ZDHHC14: variants seen among roughly 807,000 people sequenced by gnomAD.
ZDHHC14 encodes the protein palmitoyltransferase ZDHHC14.
A neutral mutation model predicts 47.7 loss-of-function variants in ZDHHC14; 16 were observed. The ratio of observed to expected loss-of-function variants is 0.34; its 90% confidence interval spans 0.23 to 0.51. The LOEUF (loss-of-function observed/expected upper bound fraction) is 0.51. Ranked by LOEUF, ZDHHC14 falls within the 20% of genes least tolerant of loss-of-function variation. The pLI, the probability that ZDHHC14 is intolerant of heterozygous loss-of-function variation, is 0.97. For missense variants in ZDHHC14, 515 were observed against 662.5 expected, an observed-to-expected ratio of 0.78 and a Z score of 2.44; for synonymous variants, 293 against 278.9, an observed-to-expected ratio of 1.05 and a Z score of -0.50.
intron 1 of ZDHHC14, among the ~76,000 whole-genome samples, chr6:157,492,506 T>C (rs775382998): frequency 6.6e-6 from 1 of 152,228 alleles, no homozygotes; most frequent in Non-Finnish European, 1.5e-5. Flanking sequence ...AATTGGGGAA[T>C]GATTCTGCCT....
chr6:157,511,547 C>CTTTTTTTTTTTTT (rs34988240), intron 1 of ZDHHC14, among the ~76,000 whole-genome samples: 1,953 of 114,476 alleles, frequency 0.017, 70 homozygotes, highest in Admixed American at 0.064. Flanking sequence ...AGCCCGGGTA[C>CTTTTTTTTTTTTT]TTTTTTTTTT....
chr6:157,659,311 A>T (rs1040831390), intron 8 of ZDHHC14, among the ~76,000 whole-genome samples: 1 of 152,260 alleles, frequency 6.6e-6, no homozygotes, highest in Non-Finnish European at 1.5e-5. Flanking sequence ...TGCACATGCC[A>T]GCCGAGAGAC....
chr6:157,616,255 A>T (rs1003376279), intron 3 of ZDHHC14, among the ~76,000 whole-genome samples: 15 of 152,130 alleles, frequency 9.9e-5, no homozygotes, highest in Admixed American at 6.5e-5. Flanking sequence ...GATCAGAGAG[A>T]CCATGACCAC....
chr6:157,423,891 G>A (rs951468867), intron 1 of ZDHHC14, among the ~76,000 whole-genome samples: 1 of 152,152 alleles, frequency 6.6e-6, no homozygotes, highest in Non-Finnish European at 1.5e-5. Flanking sequence ...CCCCCCAGGC[G>A]ATTCGTGTGC....
intron 1 of ZDHHC14, among the ~76,000 whole-genome samples, chr6:157,435,759 C>T (rs950414734): frequency 7.9e-5 from 12 of 152,110 alleles, no homozygotes; most frequent in East Asian, 5.8e-4. Flanking sequence ...AGGCTGGTCT[C>T]GAACTCTTGG....
intron 8 of ZDHHC14, among the ~76,000 whole-genome samples, chr6:157,655,390 A>T (rs1222614276): frequency 6.6e-6 from 1 of 152,176 alleles, no homozygotes; most frequent in African/African-American, 2.4e-5. Flanking sequence ...TGTGGGTTCA[A>T]AACTAGCCTG....
intron 1 of ZDHHC14, among the ~76,000 whole-genome samples, chr6:157,389,185 C>T (rs1278355762): frequency 6.6e-6 from 1 of 152,104 alleles, no homozygotes; most frequent in East Asian, 1.9e-4. Context: ...GAAATGATTT[C>T]AAACTTCCAG....
At chr6:157,611,252 G>A (rs1234421991) in intron 3 of ZDHHC14, among the ~76,000 whole-genome samples, 5 of 152,076 alleles carry the variant, frequency 3.3e-5, no homozygotes, top group African/African-American at 7.2e-5. Context: ...TGCCCACCTC[G>A]GCCTCCCAAA....
intron 7 of ZDHHC14, among the ~76,000 whole-genome samples, chr6:157,649,889 G>A (rs1777737269): frequency 6.6e-6 from 1 of 152,250 alleles, no homozygotes; most frequent in African/African-American, 2.4e-5. Context: ...GGTTCTGTGG[G>A]TCATGTGGCC....
At chr6:157,572,491 TTTTTA>T (rs1166469124) in intron 2 of ZDHHC14, among the ~76,000 whole-genome samples, 1 of 152,194 alleles carries the variant, frequency 6.6e-6, no homozygotes, top group Non-Finnish European at 1.5e-5. Flanking sequence ...CTAACCTTTT[TTTTTA>T]TTTTATTATT....
At chr6:157,553,086 G>A (rs546487939) in intron 2 of ZDHHC14, among the ~76,000 whole-genome samples, 6 of 152,296 alleles carry the variant, frequency 3.9e-5, no homozygotes, top group African/African-American at 1.4e-4. Flanking sequence ...TTACAGCCAA[G>A]GAGCAGAGTT....
chr6:157,419,507 A>T (rs1315116359), intron 1 of ZDHHC14, among the ~76,000 whole-genome samples: 1 of 152,016 alleles, frequency 6.6e-6, no homozygotes, highest in Non-Finnish European at 1.5e-5. Flanking sequence ...TAGTCTTTTT[A>T]CTGTTTCTAT....
intron 1 of ZDHHC14, among the ~76,000 whole-genome samples, chr6:157,542,143 G>C (rs1781788416): frequency 6.6e-6 from 1 of 152,204 alleles, no homozygotes. Context: ...TTTGACCCAA[G>C]TGGGAAAGGC....
intron 1 of ZDHHC14, among the ~76,000 whole-genome samples, chr6:157,423,625 G>A (rs1778152879): frequency 6.6e-6 from 1 of 152,162 alleles, no homozygotes; most frequent in African/African-American, 2.4e-5. Flanking sequence ...ATTATAGTCT[G>A]AAGAGACTTG....
chr6:157,483,402 T>C (rs139118147), intron 1 of ZDHHC14, among the ~76,000 whole-genome samples: 5,332 of 152,294 alleles, frequency 0.035, 150 homozygotes, highest in Non-Finnish European at 0.055. Flanking sequence ...GGGCAGTGCA[T>C]TATTTGTCCG....
chr6:157,670,349 A>G (rs777201357), intron 8 of ZDHHC14, among the ~76,000 whole-genome samples: 79 of 152,342 alleles, frequency 5.2e-4, no homozygotes, highest in Non-Finnish European at 4.3e-4. Context: ...GCTGGAGTAC[A>G]GTGGCGTGAT....
intron 4 of ZDHHC14, chr6:157,631,131 TCA>T (rs911805850): frequency 1.2e-4 from 19 of 152,362 alleles, no homozygotes; most frequent in African/African-American, 4.3e-4. Flanking sequence ...ACTCTCGCAC[TCA>T]CATGCTGTCG....
chr6:157,437,524 G>A (rs1778465097), intron 1 of ZDHHC14, among the ~76,000 whole-genome samples: 2 of 152,164 alleles, frequency 1.3e-5, no homozygotes, highest in Non-Finnish European at 1.5e-5. Flanking sequence ...CTTCCCAGAA[G>A]AATTCCTGCA....
At chr6:157,437,561 A>G (rs1054239096) in intron 1 of ZDHHC14, among the ~76,000 whole-genome samples, 5 of 152,192 alleles carry the variant, frequency 3.3e-5, no homozygotes, top group Non-Finnish European at 5.9e-5. Flanking sequence ...ACTTGGATCA[A>G]TTCACTGGGC....
Sources: allele counts gnomAD v4.1 joint callset (sites outside exome capture counted in the v4.1 genomes callset), GRCh38; gene constraint gnomAD v4.1.1; transcripts MANE v1.5; gene names NCBI Gene and HGNC (gene_info 2026-07-23, HGNC 2026-07-21).